SNAPC4: variants seen among roughly 807,000 people sequenced by gnomAD.
SNAPC4 encodes snRNA-activating protein complex subunit 4.
SNAPC4 carries 127 observed loss-of-function variants against 151.3 expected under a neutral mutation model. The ratio of observed to expected loss-of-function variants is 0.84; its 90% CI spans 0.73 to 0.97. The LOEUF (loss-of-function observed/expected upper bound fraction) is 0.97, where lower values mean the gene tolerates loss of function less well. Among genes scored for constraint, SNAPC4 ranks in the 50% least tolerant of loss-of-function variants. SNAPC4 has a pLI of 0.00. For synonymous variants in SNAPC4, 1,002 were observed against 824.4 expected (o/e 1.22, Z -3.69); for missense variants, 2,186 against 1,935.0 (o/e 1.13, Z -2.43).
intron 1 of SNAPC4, among the ~76,000 whole-genome samples, chr9:136,399,386 A>G (rs1218092481): frequency 6.6e-6 from 1 of 152,140 alleles, no homozygotes; most frequent in Non-Finnish European, 1.5e-5. Context: ...CTGTAAACTC[A>G]GTTAACAGCC....
Position 136,376,499 on chromosome 9 carries a change from C to A in SNAPC4, c.4285-18G>T, listed in dbSNP as rs1310115474. ...GGGGCTCCCTGAAAGAAAATCCAGGCAGTGGGGACAAGAGTGACACCCCCG... is the reference window on the plus strand; with the variant it reads ...GGGGCTCCCTGAAAGAAAATCCAGGAAGTGGGGACAAGAGTGACACCCCCG... On this transcript the variant is annotated intron_variant, in intron 22 of 23. Coordinates refer to ENST00000684778, the MANE Select transcript of SNAPC4 (RefSeq NM_003086.4). 6.2e-7 allele frequency: 1 copy of A among 1,612,490 alleles called. No individual in the cohort carries two copies. Among genetic ancestry groups the A allele is most frequent in the Non-Finnish European group, 8.5e-7 (1 of 1,179,558 alleles).
rs1197805098 is a variant in SNAPC4 at position 136,378,679 on chromosome 9, G to A, written c.3148C>T (p.Pro1050Ser). Residue 1050 changes from proline to serine, a missense_variant, in exon 22 of 24, where the codon CCC becomes TCC. Pro to Ser is a moderately conservative substitution (Grantham distance 74, BLOSUM62 -1). Transcript: ENST00000684778. ...APPFLPAAPS[P>S]TPLPVQPLSL... Reference sequence around the variant, plus strand: ...AGGGGCTGGACGGGCAGTGGGGTGGGGCTGGGGGCTGCGGGGAGAAAGGGT... The same window carrying A: ...AGGGGCTGGACGGGCAGTGGGGTGGAGCTGGGGGCTGCGGGGAGAAAGGGT... The A allele has an allele frequency of 6.7e-7, 1 of 1,502,210 alleles. No individual in the cohort carries two copies. The highest frequency in any genetic ancestry group is 2.4e-5 in the East Asian group (1 of 42,184). 93.1% of individuals were successfully genotyped at this position (1,502,210 alleles called of 1,614,324 possible). A position where few individuals can be genotyped will look rare whatever the true frequency, so the allele number is the denominator to read the frequency against.
At chr9:136,392,475 G>GT (rs968965326) in intron 9 of SNAPC4, 47 bp downstream of exon 9, 1 of 1,579,338 alleles carries the variant, frequency 6.3e-7, no homozygotes, top group African/African-American at 1.3e-5. Flanking sequence ...GGGCTACAGG[G>GT]AGCTGTGCTC....
At chr9:136,399,144 A>G (rs1564398540) in intron 1 of SNAPC4, among the ~76,000 whole-genome samples, 1 of 152,228 alleles carries the variant, frequency 6.6e-6, no homozygotes, top group African/African-American at 2.4e-5. Context: ...ATTAGCAGAG[A>G]AAATCTAAAG....
chr9:136,378,998 C>A lies in SNAPC4; in HGVS notation c.2829G>T (p.Pro943=). The change falls in exon 22 of 24, where the codon CCG becomes CCT. Residue 943 remains proline (P), a synonymous_variant. Transcript: ENST00000684778. Reference sequence around the variant, plus strand: ...GCGGTACATTTAAGACGGTGGGACCCGGGGCTGGGCGGCCGTGTGGGGTGT... The same window carrying A: ...GCGGTACATTTAAGACGGTGGGACCAGGGGCTGGGCGGCCGTGTGGGGTGT... ...LPHTPHGRPA[P]GPTVLNVPLS... 6.2e-7 allele frequency: 1 copy of A among 1,606,364 alleles called. No individual in the cohort carries two copies. The highest frequency in any genetic ancestry group is 1.7e-5 in the Admixed American group (1 of 58,742).
At chr9:136,392,253 G>T in intron 9 of SNAPC4, 147 bp from the exon 10 acceptor site, 1 of 1,026,198 alleles carries the variant, frequency 9.7e-7, no homozygotes, top group Non-Finnish European at 1.5e-6. Context: ...ACTAGGCCTT[G>T]CATAGCCAAA....
Position 136,383,718 on chromosome 9 carries a change from C to T in SNAPC4, c.1501-50G>A, listed in dbSNP as rs1033817001. The T allele has an allele frequency of 1.9e-6, 3 of 1,561,372 alleles. No homozygotes were observed. Among genetic ancestry groups the T allele is most frequent in the African/African-American group, 2.7e-5 (2 of 74,088 alleles). ...GAGGCCTTGGCAAGCCCGGTTCACCCATGATGGCAGCAAGCAGGCCAGCCC... is the reference window on the plus strand; with the variant it reads ...GAGGCCTTGGCAAGCCCGGTTCACCTATGATGGCAGCAAGCAGGCCAGCCC... On this transcript the variant is annotated intron_variant, in intron 15 of 23. Coordinates refer to ENST00000684778, the MANE Select transcript of SNAPC4 (RefSeq NM_003086.4). The surrounding 1 kb of genome is among the most constrained non-coding windows in gnomAD (Gnocchi z 4.2).
At chr9:136,392,484 T>C (rs1834113468) in intron 9 of SNAPC4, 38 bp downstream of exon 9, 1 of 1,595,776 alleles carries the variant, frequency 6.3e-7, no homozygotes, top group Non-Finnish European at 8.6e-7. Context: ...GGAGCTGTGC[T>C]CCAAGCTGCT....
chr9:136,399,225 C>T (rs1004527617), intron 1 of SNAPC4, among the ~76,000 whole-genome samples: 5 of 152,226 alleles, frequency 3.3e-5, no homozygotes, highest in Admixed American at 6.5e-5. Flanking sequence ...CCGTCCTTGG[C>T]GTGGCTCTCC....
At chr9:136,376,296 C>A in intron 23 of SNAPC4, 53 bp downstream of exon 23, 2 of 1,597,244 alleles carry the variant, frequency 1.3e-6, no homozygotes, top group South Asian at 1.1e-5. Context: ...GCCATCTGGA[C>A]ACCACTCTGT....
rs888551622 is a variant in SNAPC4 at position 136,383,250 on chromosome 9, C to T, written c.1919G>A (p.Arg640Lys). 9 of 1,603,194 alleles carry T rather than the reference C, an allele frequency of 5.6e-6. No homozygotes were observed. Among genetic ancestry groups the T allele is most frequent in the Admixed American group, 3.4e-5 (2 of 58,142 alleles). ...VPARAHGPVP[R>K]SAQASHSADT... The stretch of plus-strand genomic sequence containing the variant: ...TGCTGAGTGGGAGGCCTGGGCAGAC[C>T]TCGGGACAGGGCCGTGGGCCCTGGC... The change falls in exon 16 of 24, where the codon AGG becomes AAG. Residue 640 changes from arginine to lysine, a missense_variant. By Grantham distance (26) the Arg-to-Lys change is conservative. Transcript: ENST00000684778. The surrounding 1 kb of genome is among the most constrained non-coding windows in gnomAD (Gnocchi z 4.2).
chr9:136,395,020 C>T, intron 5 of SNAPC4, 142 bp from the exon 6 acceptor site: 1 of 810,900 alleles, frequency 1.2e-6, no homozygotes, highest in Non-Finnish European at 1.9e-6. Flanking sequence ...GGGGTGCAAC[C>T]CTGCCGGCCA....
In SNAPC4 at chr9:136,377,826, C is replaced by CCCA; in HGVS notation, c.3998_4000dup (p.Val1333dup). On this transcript the variant is annotated inframe_insertion, in exon 22 of 24. Transcript: ENST00000684778. The stretch of plus-strand genomic sequence containing the variant: ...TCCGGCCGGCCGCTCAGCCTCGCCC[C>CCCA]CCACCACCAGGGAGGTGGCCTTGTG... 1 of 1,611,546 alleles carries CCCA rather than the reference C, an allele frequency of 6.2e-7. No homozygotes were observed. The highest frequency in any genetic ancestry group is 8.5e-7 in the Non-Finnish European group (1 of 1,179,776).
intron 13 of SNAPC4, among the ~76,000 whole-genome samples, chr9:136,386,889 A>C (rs569611241): frequency 2.0e-4 from 30 of 152,254 alleles, no homozygotes; most frequent in African/African-American, 6.7e-4. Context: ...AGTAGCTGGG[A>C]TTACAGGCGC....
intron 3 of SNAPC4, 124 bp from the exon 4 acceptor site, chr9:136,395,894 A>C: frequency 7.5e-6 from 7 of 936,652 alleles, no homozygotes; most frequent in Non-Finnish European, 1.1e-5. Context: ...GCAACACCCA[A>C]TGTGGAAGCA....
Position 136,397,675 on chromosome 9 carries a change from AGGGGAGCACGTGGGGT to A in SNAPC4, c.130+608_130+623del, listed in dbSNP as rs1168236070. On this transcript the variant is annotated intron_variant, in intron 2 of 23. Coordinates refer to ENST00000684778, the MANE Select transcript of SNAPC4 (RefSeq NM_003086.4). ...CACGTGGGGAGGGGAGCACGTGGGG[AGGGGAGCACGTGGGGT>A]GGGGAGCACGTGGGGTGGGGAGCAC... Among the ~76,000 whole-genome samples the A allele has an allele frequency of 6.3e-3, 124 of 19,830 alleles. 3 individuals are homozygous for A. Among genetic ancestry groups the A allele is most frequent in the Admixed American group, 0.056 (82 of 1,470 alleles). 13.0% of individuals were successfully genotyped at this position (19,830 alleles called of 152,430 possible).
chr9:136,380,908 C>T, intron 19 of SNAPC4, 58 bp from the exon 20 acceptor site: 1 of 1,046,448 alleles, frequency 9.6e-7, no homozygotes, highest in Admixed American at 1.8e-5. Context: ...CTCCGAAGCT[C>T]CAGAGGCCTA....
intron 13 of SNAPC4, among the ~76,000 whole-genome samples, chr9:136,386,565 G>A (rs1220403239): frequency 6.6e-6 from 1 of 151,526 alleles, no homozygotes; most frequent in East Asian, 1.9e-4. Flanking sequence ...CTCCCGAGTA[G>A]CTGGGATTAC....
chr9:136,379,749 G>A (rs2131472813), intron 21 of SNAPC4, 88 bp downstream of exon 21: 1 of 1,232,248 alleles, frequency 8.1e-7, no homozygotes, highest in Non-Finnish European at 1.2e-6. Context: ...CTTGGGGGCT[G>A]TGGGTGAAAG....
Sources: gnomAD v4.1 joint callset for allele counts (sites outside exome capture counted in the v4.1 genomes callset) on GRCh38, gnomAD v4.1.1 for gene constraint, Gnocchi (gnomAD v3.1) non-coding constraint, MANE v1.5 for transcripts, NCBI Gene and HGNC (gene_info 2026-07-23, HGNC 2026-07-21) for gene names.